NCAM2: variants seen among roughly 807,000 people sequenced by gnomAD.
The protein encoded by NCAM2 is N-CAM-2.
NCAM2 carries 30 observed loss-of-function variants against 98.1 expected under a neutral mutation model. The ratio of observed to expected loss-of-function variants is 0.31; its 90% CI spans 0.23 to 0.41. NCAM2 has a LOEUF of 0.41. Ranked by LOEUF, NCAM2 falls within the 10% of genes least tolerant of loss-of-function variation. The pLI is 1.00. For missense variants in NCAM2, 867 were observed against 1,005.8 expected (o/e 0.86, Z 1.87); for synonymous variants, 368 against 342.4 (o/e 1.07, Z -0.83).
chr21:21,176,967 A>G (rs901722596), intron 1 of NCAM2, among the ~76,000 whole-genome samples: 10 of 152,096 alleles, frequency 6.6e-5, no homozygotes, highest in Non-Finnish European at 1.2e-4. Flanking sequence ...ACACCTAAAT[A>G]TAAATGTCTA....
At chr21:21,504,573 A>G (rs1007724747) in intron 15 of NCAM2, among the ~76,000 whole-genome samples, 1 of 151,938 alleles carries the variant, frequency 6.6e-6, no homozygotes, top group Non-Finnish European at 1.5e-5. Flanking sequence ...AAACGTCCAG[A>G]GTACAAATAG....
At chr21:21,062,572 C>G (rs8128126) in intron 1 of NCAM2, among the ~76,000 whole-genome samples, 3,752 of 152,268 alleles carry the variant, frequency 0.025, 135 homozygotes, top group African/African-American at 0.083. Flanking sequence ...CTACCGATAT[C>G]TTGATCTCAG....
At chr21:21,018,490 G>T (rs576484669) in intron 1 of NCAM2, among the ~76,000 whole-genome samples, 1 of 152,274 alleles carries the variant, frequency 6.6e-6, no homozygotes, top group African/African-American at 2.4e-5. Context: ...CACACTTCTT[G>T]TTACAGTGCT....
intron 10 of NCAM2, among the ~76,000 whole-genome samples, chr21:21,416,494 GA>G (rs548650184): frequency 3.5e-4 from 46 of 132,750 alleles, no homozygotes; most frequent in East Asian, 1.2e-3. Context: ...TTCAATTTGT[GA>G]AAAAAAAAAA....
chr21:21,470,196 C>A (rs912032723), intron 14 of NCAM2, among the ~76,000 whole-genome samples: 1 of 151,704 alleles, frequency 6.6e-6, no homozygotes, highest in African/African-American at 2.4e-5. Flanking sequence ...AGCACTGCAT[C>A]TATTTAGAGC....
intron 1 of NCAM2, among the ~76,000 whole-genome samples, chr21:21,121,525 G>C (rs532960742): frequency 6.6e-6 from 1 of 151,538 alleles, no homozygotes; most frequent in Non-Finnish European, 1.5e-5. Flanking sequence ...TAATTATGAA[G>C]GTAAAGCTAT....
chr21:21,341,264 G>C (rs556832650), intron 8 of NCAM2, among the ~76,000 whole-genome samples: 43 of 152,060 alleles, frequency 2.8e-4, no homozygotes, highest in African/African-American at 1.0e-3. Context: ...TAAGAATCAC[G>C]TGGGAAGACT....
chr21:21,537,010 G>A (rs766989063), intron 17 of NCAM2, among the ~76,000 whole-genome samples: 66 of 152,124 alleles, frequency 4.3e-4, no homozygotes, highest in Admixed American at 7.9e-4. Flanking sequence ...TAAAAAGTGA[G>A]CAAGTCCTAA....
intron 15 of NCAM2, among the ~76,000 whole-genome samples, chr21:21,482,278 T>G (rs1985960344): frequency 6.6e-6 from 1 of 152,110 alleles, no homozygotes; most frequent in Admixed American, 6.5e-5. Context: ...CTTTCAGATC[T>G]TATAGAGTTA....
At chr21:21,145,302 T>A (rs959435701) in intron 1 of NCAM2, among the ~76,000 whole-genome samples, 1 of 152,182 alleles carries the variant, frequency 6.6e-6, no homozygotes, top group African/African-American at 2.4e-5. Flanking sequence ...AAATTGTGCT[T>A]ACTTGCTTTT....
intron 1 of NCAM2, among the ~76,000 whole-genome samples, chr21:21,270,714 AT>A (rs2072463881): frequency 6.6e-6 from 1 of 151,858 alleles, no homozygotes; most frequent in Non-Finnish European, 1.5e-5. Flanking sequence ...TTTCATAAAT[AT>A]TTTCTTTTTA....
chr21:21,374,126 A>G (rs2075980313), intron 9 of NCAM2, 113 bp downstream of exon 9: 5 of 930,076 alleles, frequency 5.4e-6, no homozygotes, highest in Non-Finnish European at 7.8e-6. Flanking sequence ...TACTTAATGC[A>G]TAGCTTTAGA....
intron 1 of NCAM2, among the ~76,000 whole-genome samples, chr21:21,185,680 A>G (rs918733467): frequency 6.6e-6 from 1 of 152,148 alleles, no homozygotes; most frequent in Non-Finnish European, 1.5e-5. Flanking sequence ...AAGTATATTC[A>G]TAGCAGCACT....
intron 1 of NCAM2, among the ~76,000 whole-genome samples, chr21:21,186,827 G>A (rs1263802994): frequency 1.3e-5 from 2 of 151,970 alleles, no homozygotes; most frequent in East Asian, 1.9e-4. Context: ...TGAAGCTTCT[G>A]CCTAAAAACA....
chr21:21,397,180 G>A (rs2076528463), intron 9 of NCAM2, among the ~76,000 whole-genome samples: 1 of 152,132 alleles, frequency 6.6e-6, no homozygotes, highest in Non-Finnish European at 1.5e-5. Context: ...GTGCTGATTG[G>A]TCCATGGTTG....
At chr21:21,194,345 A>C (rs1223709181) in intron 1 of NCAM2, among the ~76,000 whole-genome samples, 1 of 152,188 alleles carries the variant, frequency 6.6e-6, no homozygotes, top group African/African-American at 2.4e-5. Flanking sequence ...TATGAATGAA[A>C]CCACATTTAT....
intron 1 of NCAM2, among the ~76,000 whole-genome samples, chr21:21,182,669 A>G (rs1441590815): frequency 6.6e-6 from 1 of 152,056 alleles, no homozygotes; most frequent in African/African-American, 2.4e-5. Flanking sequence ...TCACCAACCC[A>G]ATTTTATTTT....
rs529437869 is a variant in NCAM2, at chr21:21,331,388, T to A, written c.738-4117T>A. On this transcript the variant is annotated intron_variant, in intron 6 of 17. Coordinates refer to ENST00000400546, the MANE Select transcript of NCAM2 (RefSeq NM_004540.5). Reference sequence around the variant, plus strand: ...CCTGGCTTCAAGAAATCCTCCTGCCTTGGCCTCCCAAAGTGCTGGGGATAC... The same window carrying A: ...CCTGGCTTCAAGAAATCCTCCTGCCATGGCCTCCCAAAGTGCTGGGGATAC... Among the ~76,000 whole-genome samples, 20 of 149,154 alleles carry A rather than the reference T, an allele frequency of 1.3e-4. No homozygotes were observed. The South Asian group carries it at 4.3e-3, about 32-fold the overall frequency.
chr21:21,269,664 A>G (rs549060841), intron 1 of NCAM2, among the ~76,000 whole-genome samples: 13 of 152,290 alleles, frequency 8.5e-5, no homozygotes, highest in African/African-American at 2.9e-4. Flanking sequence ...AGAAATTAGT[A>G]TATTCTCACA....
Sources: gnomAD v4.1 joint callset for allele counts (sites outside exome capture counted in the v4.1 genomes callset) on GRCh38, gnomAD v4.1.1 for gene constraint, MANE v1.5 for transcripts, NCBI Gene and HGNC (gene_info 2026-07-23, HGNC 2026-07-21) for gene names.